The following IPP variants were observed in gnomAD, a reference collection of about 807,000 sequenced individuals.
IPP encodes the protein intracisternal A particle-promoted polypeptide, also known as actin-binding protein IPP.
In IPP, 41 loss-of-function variants were observed where a neutral mutation model predicts 64.1. The ratio of observed to expected loss-of-function variants is 0.64; its 90% CI spans 0.50 to 0.83. The LOEUF (loss-of-function observed/expected upper bound fraction) is 0.83, where lower values mean the gene tolerates loss of function less well. Ranked by LOEUF, IPP falls within the 40% of genes least tolerant of loss-of-function variation. The pLI is 0.00. For missense variants in IPP, 649 were observed against 703.0 expected (o/e 0.92, Z 0.87); for synonymous variants, 214 against 235.2 (o/e 0.91, Z 0.83).
chr1:45,726,268 G>C (rs1368287166), intron 5 of IPP, among the ~76,000 whole-genome samples: 2 of 151,872 alleles, frequency 1.3e-5, no homozygotes, highest in Admixed American at 1.3e-4. Flanking sequence ...AGACCAGCCT[G>C]ACCAACATGA....
chr1:45,725,108 G>C (rs1464796338), intron 5 of IPP, among the ~76,000 whole-genome samples: 2 of 143,366 alleles, frequency 1.4e-5, no homozygotes, highest in Non-Finnish European at 3.1e-5. Context: ...CGTCCGGGAG[G>C]GGGGAGGGGG....
chr1:45,716,442 A>C (rs192699377), intron 7 of IPP, among the ~76,000 whole-genome samples: 5 of 152,258 alleles, frequency 3.3e-5, no homozygotes, highest in Non-Finnish European at 5.9e-5. Flanking sequence ...ATGAGGTTTC[A>C]CCACGTTGGC....
At chr1:45,747,834 C>CAAAAAAAAAA (rs60576414) in intron 1 of IPP, among the ~76,000 whole-genome samples, 6 of 39,298 alleles carry the variant, frequency 1.5e-4, no homozygotes, top group African/African-American at 3.0e-4. Context: ...GACTCTGTCT[C>CAAAAAAAAAA]AAAAAAAAAA....
intron 8 of IPP, among the ~76,000 whole-genome samples, chr1:45,710,912 G>A (rs1315123036): frequency 5.9e-3 from 95 of 16,148 alleles, no homozygotes; most frequent in East Asian, 0.014. Flanking sequence ...CCAGCTACTC[G>A]GGAGGCTAAG....
chr1:45,724,001 G>A (rs1250749368), intron 5 of IPP, among the ~76,000 whole-genome samples: 1 of 128,134 alleles, frequency 7.8e-6, no homozygotes, highest in East Asian at 2.5e-4. Flanking sequence ...TCTCTCCACG[G>A]TCTCCTTCCA....
At chr1:45,747,511 G>A (rs996643451) in intron 1 of IPP, among the ~76,000 whole-genome samples, 8 of 152,054 alleles carry the variant, frequency 5.3e-5, no homozygotes, top group Non-Finnish European at 8.8e-5. Flanking sequence ...TTAGGCCACC[G>A]GACACGTTCT....
At chr1:45,721,213 TCTGGGAATATGG>T (rs1387621411) in intron 5 of IPP, among the ~76,000 whole-genome samples, 11 of 152,316 alleles carry the variant, frequency 7.2e-5, no homozygotes, top group Non-Finnish European at 1.0e-4. Flanking sequence ...TTTGCTGGAA[TCTGGGAATATGG>T]CTGGTTAACA....
chr1:45,724,632 C>T (rs1645783744), intron 5 of IPP, among the ~76,000 whole-genome samples: 1 of 151,442 alleles, frequency 6.6e-6, no homozygotes, highest in African/African-American at 2.4e-5. Context: ...TGCCCCGCCG[C>T]CCTGTCTGGG....
rs1225585068 is a variant in IPP at position 45,712,874 on chromosome 1, A to AT, written c.1530+1371_1530+1372insA. Among the ~76,000 whole-genome samples the AT allele has an allele frequency of 7.7e-4, 110 of 143,776 alleles. 1 individual carries two copies. Among genetic ancestry groups the AT allele is most frequent in the Middle Eastern group, 7.0e-3 (2 of 286 alleles). 94.3% of individuals were successfully genotyped at this position (143,776 alleles called of 152,430 possible). On this transcript the variant is annotated intron_variant, in intron 8 of 8. Transcript: ENST00000396478. ...ATCTCAAAAAAAAAAAGAAAAAAAA[A>AT]AAAAATATATATATATATACACACC...
At chr1:45,742,696 G>A (rs887107123) in intron 2 of IPP, among the ~76,000 whole-genome samples, 2 of 151,806 alleles carry the variant, frequency 1.3e-5, no homozygotes, top group Non-Finnish European at 2.9e-5. Flanking sequence ...ACCATGATCG[G>A]CTAATTTTCT....
chr1:45,742,595 G>C (rs554698329), intron 2 of IPP, among the ~76,000 whole-genome samples: 1 of 152,034 alleles, frequency 6.6e-6, no homozygotes, highest in Non-Finnish European at 1.5e-5. Context: ...GTGCAGTGGC[G>C]CAATCTTGGC....
At chr1:45,727,596 G>C (rs763103736) in intron 5 of IPP, 35 bp downstream of exon 5, 23 of 1,362,462 alleles carry the variant, frequency 1.7e-5, no homozygotes, top group Non-Finnish European at 2.1e-5. Context: ...TAGCCAACAA[G>C]ACTAATTAAG....
chr1:45,705,250 T>A (rs1645500715), intron 8 of IPP, among the ~76,000 whole-genome samples: 1 of 152,260 alleles, frequency 6.6e-6, no homozygotes, highest in South Asian at 2.1e-4. Context: ...TGTGTACATC[T>A]TGGTTTCTAA....
downstream of IPP, among the ~76,000 whole-genome samples, chr1:45,698,413 C>A (rs192589490): frequency 4.8e-4 from 73 of 152,190 alleles, no homozygotes; most frequent in Non-Finnish European, 8.1e-4. Context: ...TAGAAATGAA[C>A]AGAGAACAAT....
chr1:45,727,813 A>G lies in IPP; in HGVS notation c.881-15T>C, dbSNP rs1252511672. 1.3e-6 allele frequency: 2 copies of G among 1,491,814 alleles called. No homozygotes were observed. The highest frequency in any genetic ancestry group is 4.6e-5 in the East Asian group (2 of 43,466). 92.4% of individuals were successfully genotyped at this position (1,491,814 alleles called of 1,614,324 possible). ...AGTATATCCACCTAAACAAAAGAAG[A>G]AAAGGTAGTAATGAAAATCTACTGT... is the stretch of plus-strand genomic sequence containing the variant. On this transcript the variant is annotated splice_polypyrimidine_tract_variant and intron_variant, in intron 4 of 8. Coordinates refer to ENST00000396478, the MANE Select transcript of IPP (RefSeq NM_005897.3).
chr1:45,696,094 C>A (rs1338259315), downstream of IPP, among the ~76,000 whole-genome samples: 1 of 152,178 alleles, frequency 6.6e-6, no homozygotes, highest in African/African-American at 2.4e-5. Flanking sequence ...AAGACTTTTC[C>A]ATAATCTGAA....
chr1:45,734,567 A>G (rs1412224623), intron 3 of IPP, among the ~76,000 whole-genome samples: 2 of 152,056 alleles, frequency 1.3e-5, no homozygotes, highest in Non-Finnish European at 2.9e-5. Flanking sequence ...CCTCCCACCA[A>G]GTAGCTGGGA....
chr1:45,724,917 C>T (rs1374348545), intron 5 of IPP, among the ~76,000 whole-genome samples: 13 of 147,028 alleles, frequency 8.8e-5, no homozygotes, highest in Non-Finnish European at 1.7e-4. Flanking sequence ...CCCGGCCAGC[C>T]GCCCCGTCCG....
chr1:45,703,300 G>A (rs1306284614), intron 8 of IPP, among the ~76,000 whole-genome samples: 1 of 149,198 alleles, frequency 6.7e-6, no homozygotes, highest in African/African-American at 2.5e-5. Flanking sequence ...TGTTGCCCAG[G>A]CTAGTCTTGA....
Sources: gnomAD v4.1 joint callset for allele counts (sites outside exome capture counted in the v4.1 genomes callset) on GRCh38, gnomAD v4.1.1 for gene constraint, MANE v1.5 for transcripts, NCBI Gene and HGNC (gene_info 2026-07-23, HGNC 2026-07-21) for gene names.